CADM2: variants seen among roughly 807,000 people sequenced by gnomAD.
The protein encoded by CADM2 is immunoglobulin superfamily member 4D.
Under a neutral mutation model 49.8 loss-of-function variants are expected in CADM2, and 12 were observed. The observed-to-expected ratio is 0.24, with a 90% CI of 0.15 to 0.39. The LOEUF (loss-of-function observed/expected upper bound fraction) is 0.39. Ranked by LOEUF, CADM2 falls within the 10% of genes least tolerant of loss-of-function variation. CADM2 has a pLI of 1.00. For missense variants in CADM2, 378 were observed against 492.3 expected (o/e 0.77, Z 2.20); for synonymous variants, 214 against 175.4 (o/e 1.22, Z -1.74).
chr3:85,017,098 C>G (rs1029330723), intron 1 of CADM2, among the ~76,000 whole-genome samples: 18 of 152,070 alleles, frequency 1.2e-4, no homozygotes, highest in Non-Finnish European at 2.2e-4. Flanking sequence ...GATGCTACAG[C>G]AAATTTTAGG....
chr3:85,909,162 G>T (rs190804953), intron 5 of CADM2, among the ~76,000 whole-genome samples: 2 of 151,990 alleles, frequency 1.3e-5, no homozygotes, highest in Non-Finnish European at 2.9e-5. Flanking sequence ...CAGAAAACCC[G>T]AATATATTCT....
At chr3:85,842,715 C>A (rs1408179437) in intron 3 of CADM2, among the ~76,000 whole-genome samples, 1 of 152,040 alleles carries the variant, frequency 6.6e-6, no homozygotes, top group Non-Finnish European at 1.5e-5. Context: ...TATTTTAATT[C>A]AACTTTTCAT....
At chr3:85,900,666 T>G (rs1274139540) in intron 5 of CADM2, among the ~76,000 whole-genome samples, 1 of 152,192 alleles carries the variant, frequency 6.6e-6, no homozygotes, top group African/African-American at 2.4e-5. Context: ...GTGCATACCT[T>G]AATCTTCTAG....
At chr3:85,606,570 T>C (rs957572043) in intron 1 of CADM2, among the ~76,000 whole-genome samples, 9 of 152,084 alleles carry the variant, frequency 5.9e-5, no homozygotes, top group Admixed American at 3.3e-4. Context: ...TAGAAGCAGG[T>C]TGGGGCAAAG....
intron 3 of CADM2, among the ~76,000 whole-genome samples, chr3:85,835,727 T>C (rs920217905): frequency 1.4e-5 from 2 of 146,192 alleles, no homozygotes; most frequent in Non-Finnish European, 3.0e-5. Context: ...TGTGTATATA[T>C]ATATATATCT....
At chr3:85,555,516 A>T (rs1464669181) in intron 1 of CADM2, among the ~76,000 whole-genome samples, 2 of 152,160 alleles carry the variant, frequency 1.3e-5, no homozygotes, top group Non-Finnish European at 2.9e-5. Context: ...TCATATAATC[A>T]AAAGTAATTA....
At chr3:85,032,296 G>A (rs1242338658) in intron 1 of CADM2, among the ~76,000 whole-genome samples, 3 of 151,738 alleles carry the variant, frequency 2.0e-5, no homozygotes, top group African/African-American at 7.3e-5. Flanking sequence ...TGGCATGAAA[G>A]ACAATTCAAG....
chr3:85,646,054 A>C (rs2064873295), intron 1 of CADM2, among the ~76,000 whole-genome samples: 1 of 152,122 alleles, frequency 6.6e-6, no homozygotes, highest in African/African-American at 2.4e-5. Flanking sequence ...AGCACTCAAG[A>C]CCAGCCTGGA....
chr3:85,201,253 C>G (rs2041493227), intron 1 of CADM2, among the ~76,000 whole-genome samples: 1 of 152,110 alleles, frequency 6.6e-6, no homozygotes, highest in East Asian at 1.9e-4. Flanking sequence ...CACAAAAAAG[C>G]ATGTCACACA....
chr3:85,287,000 T>C (rs533778323), intron 1 of CADM2, among the ~76,000 whole-genome samples: 6 of 152,184 alleles, frequency 3.9e-5, no homozygotes, highest in Non-Finnish European at 8.8e-5. Context: ...TCACACAAAA[T>C]ATATTGTTAG....
At chr3:85,971,467 A>T (rs1443849762) in intron 8 of CADM2, among the ~76,000 whole-genome samples, 1 of 151,832 alleles carries the variant, frequency 6.6e-6, no homozygotes. Flanking sequence ...ATGAAAAATC[A>T]AAATATGTGG....
chr3:85,650,127 A>C (rs2065000777), intron 1 of CADM2, among the ~76,000 whole-genome samples: 1 of 152,256 alleles, frequency 6.6e-6, no homozygotes, highest in Admixed American at 6.5e-5. Flanking sequence ...TCAATTAAGT[A>C]AATGTTCTAG....
intron 1 of CADM2, among the ~76,000 whole-genome samples, chr3:85,027,904 C>A (rs555151563): frequency 6.6e-6 from 1 of 152,122 alleles, no homozygotes; most frequent in Admixed American, 6.6e-5. Context: ...AGATCTCAAT[C>A]ATAAAATTAT....
At chr3:85,500,213 C>T (rs112982426) in intron 1 of CADM2, among the ~76,000 whole-genome samples, 2 of 152,036 alleles carry the variant, frequency 1.3e-5, no homozygotes, top group African/African-American at 4.8e-5. Flanking sequence ...ATTATTTATC[C>T]AGCGCTTCTT....
At chr3:85,375,650 C>T (rs534506463) in intron 1 of CADM2, among the ~76,000 whole-genome samples, 7 of 152,196 alleles carry the variant, frequency 4.6e-5, no homozygotes, top group African/African-American at 9.6e-5. Context: ...AATGCCAACA[C>T]GAACAAACGA....
At chr3:85,624,075 T>A (rs2107499250) in intron 1 of CADM2, among the ~76,000 whole-genome samples, 1 of 152,264 alleles carries the variant, frequency 6.6e-6, no homozygotes, top group Non-Finnish European at 1.5e-5. Flanking sequence ...TTTTAAAATA[T>A]TTAATTGGCA....
At chr3:85,695,296 T>C (rs1393504551) in intron 1 of CADM2, among the ~76,000 whole-genome samples, 2 of 152,086 alleles carry the variant, frequency 1.3e-5, no homozygotes, top group Non-Finnish European at 2.9e-5. Flanking sequence ...ATAGTGTACA[T>C]TGTACCCAAT....
Position 85,706,916 on chromosome 3 carries a change from A to G in CADM2, c.62-19606A>G, listed in dbSNP as rs536737935. The stretch of plus-strand genomic sequence containing the variant: ...TGATTTTTAGAATGGTACAAATATA[A>G]TTATGCATATGTATCTGAATGTGTA... On this transcript the variant is annotated intron_variant, in intron 1 of 9. Transcript: ENST00000383699. Among the ~76,000 whole-genome samples, 74 of 152,268 alleles carry G rather than the reference A, an allele frequency of 4.9e-4. No homozygotes were observed. In the Middle Eastern group the frequency reaches 0.014, roughly 28 times the overall value.
In CADM2 at chr3:85,565,235, AT is replaced by A. The variant is rs547286768; in HGVS notation, c.62-161286del. Among the ~76,000 whole-genome samples the A allele has an allele frequency of 4.2e-4, 64 of 152,060 alleles. No individual in the cohort carries two copies. In the East Asian group the frequency reaches 0.011, roughly 27 times the overall value. On this transcript the variant is annotated intron_variant, in intron 1 of 9. Coordinates refer to ENST00000383699, the MANE Select transcript of CADM2 (RefSeq NM_001167675.2). Reference sequence around the variant, plus strand: ...AATCTGTTAGTCGAGAAGAAAAAAAATACTTTGAAATATAATTTGAAGCACA... The same window carrying A: ...AATCTGTTAGTCGAGAAGAAAAAAAAACTTTGAAATATAATTTGAAGCACA...
Sources: allele counts gnomAD v4.1 joint callset (sites outside exome capture counted in the v4.1 genomes callset), GRCh38; gene constraint gnomAD v4.1.1; transcripts MANE v1.5; gene names NCBI Gene and HGNC (gene_info 2026-07-23, HGNC 2026-07-21).